MND1: variants seen among roughly 807,000 people sequenced by gnomAD.
MND1 encodes the protein meiotic nuclear divisions 1, also known as meiotic nuclear division protein 1 homolog.
MND1 carries 28 observed loss-of-function variants against 35.1 expected under a neutral mutation model. That is an observed-to-expected ratio of 0.80 (90% confidence interval 0.59 to 1.09). The LOEUF (loss-of-function observed/expected upper bound fraction) is 1.09. Ranked by LOEUF, MND1 falls within the 50% of genes least tolerant of loss-of-function variation. The pLI is 0.00. For synonymous variants in MND1, 69 were observed against 70.5 expected (o/e 0.98, Z 0.11); for missense variants, 213 against 239.6 (o/e 0.89, Z 0.73).
intron 4 of MND1, among the ~76,000 whole-genome samples, chr4:153,391,727 T>TACACACACAC (rs71598272): frequency 0.11 from 15,995 of 142,262 alleles, 1,067 homozygotes; most frequent in African/African-American, 0.16. Flanking sequence ...AACTCCATCA[T>TACACACACAC]ACACACACAC....
chr4:153,407,633 A>T (rs1729556762), intron 6 of MND1, among the ~76,000 whole-genome samples: 2 of 152,226 alleles, frequency 1.3e-5, no homozygotes, highest in Non-Finnish European at 2.9e-5. Flanking sequence ...TCGTATTAGC[A>T]GAAACAGCCC....
intron 2 of MND1, among the ~76,000 whole-genome samples, chr4:153,353,404 CATATATATATATATATATATAT>C (rs58280101): frequency 0.052 from 4,243 of 82,012 alleles, 323 homozygotes; most frequent in African/African-American, 0.17. Context: ...GACTTTATCA[CATATATATATATATATATATAT>C]ATATATATAT....
intron 2 of MND1, among the ~76,000 whole-genome samples, chr4:153,353,603 C>T (rs1561054886): frequency 1.3e-5 from 2 of 150,908 alleles, no homozygotes; most frequent in African/African-American, 4.9e-5. Context: ...CTTTATAGTG[C>T]CCTTGGATGA....
chr4:153,403,055 G>A (rs189658349), intron 6 of MND1, among the ~76,000 whole-genome samples: 6 of 152,218 alleles, frequency 3.9e-5, no homozygotes, highest in Admixed American at 2.0e-4. Context: ...AGGATCACTT[G>A]AGCCGAGGAG....
chr4:153,371,697 TTCTC>T (rs1773791988), intron 4 of MND1, among the ~76,000 whole-genome samples: 1 of 152,012 alleles, frequency 6.6e-6, no homozygotes, highest in Admixed American at 6.5e-5. Flanking sequence ...CACTAAAACT[TTCTC>T]TATCTCAGCA....
intron 4 of MND1, among the ~76,000 whole-genome samples, chr4:153,370,916 T>A (rs1029617481): frequency 5.3e-5 from 8 of 152,098 alleles, no homozygotes; most frequent in African/African-American, 1.9e-4. Context: ...GTGGCAGTTA[T>A]AGCCTTACTG....
At chr4:153,385,715 CAAAAAAAAA>C (rs60037291) in intron 4 of MND1, among the ~76,000 whole-genome samples, 1 of 83,694 alleles carries the variant, frequency 1.2e-5, no homozygotes, top group Non-Finnish European at 2.5e-5. Context: ...GACCCTGTCT[CAAAAAAAAA>C]AAAAAAAAAA....
rs1729230356 is a variant in MND1, at chr4:153,397,483, G to A, written c.466+150G>A. The A allele has an allele frequency of 2.1e-5, 12 of 568,100 alleles. No individual in the cohort carries two copies. The South Asian group carries it at 3.6e-4, about 17-fold the overall frequency. 35.2% of individuals were successfully genotyped at this position (568,100 alleles called of 1,614,324 possible). ...TTTGTAGTACTCTAATTTTGTATTTGTAACATAGTAGGAAAATATTGCTTT... is the reference window on the plus strand; with the variant it reads ...TTTGTAGTACTCTAATTTTGTATTTATAACATAGTAGGAAAATATTGCTTT... On this transcript the variant is annotated intron_variant, in intron 6 of 7. Coordinates refer to ENST00000240488, the MANE Select transcript of MND1 (RefSeq NM_032117.4).
chr4:153,401,247 A>G (rs1729340612), intron 6 of MND1, among the ~76,000 whole-genome samples: 1 of 151,974 alleles, frequency 6.6e-6, no homozygotes, highest in Admixed American at 6.5e-5. Context: ...CCATATAAAT[A>G]AAATAAAAAT....
chr4:153,406,887 C>T (rs1330904055), intron 6 of MND1, among the ~76,000 whole-genome samples: 1 of 152,214 alleles, frequency 6.6e-6, no homozygotes, highest in Non-Finnish European at 1.5e-5. Context: ...TTGGGGAAAC[C>T]TCACAATCAT....
At chr4:153,403,319 G>A (rs1729394237) in intron 6 of MND1, among the ~76,000 whole-genome samples, 1 of 152,192 alleles carries the variant, frequency 6.6e-6, no homozygotes. Context: ...CTAAGTCAGA[G>A]TTATAAACTG....
intron 4 of MND1, among the ~76,000 whole-genome samples, chr4:153,389,701 T>G (rs1728967548): frequency 6.6e-6 from 1 of 152,210 alleles, no homozygotes; most frequent in South Asian, 2.1e-4. Flanking sequence ...TCTCTATTTT[T>G]GTAAATGTGG....
intron 4 of MND1, among the ~76,000 whole-genome samples, chr4:153,379,483 G>A (rs1286003439): frequency 6.6e-6 from 1 of 151,912 alleles, no homozygotes; most frequent in Non-Finnish European, 1.5e-5. Context: ...GATGAGGATG[G>A]CTTAAGTCCA....
At chr4:153,412,368 A>T (rs952260906) in intron 7 of MND1, among the ~76,000 whole-genome samples, 1 of 152,172 alleles carries the variant, frequency 6.6e-6, no homozygotes, top group Non-Finnish European at 1.5e-5. Context: ...TTTTCTCACC[A>T]TCCTGGAGGA....
chr4:153,397,986 T>A (rs925688059), intron 6 of MND1, among the ~76,000 whole-genome samples: 1 of 152,236 alleles, frequency 6.6e-6, no homozygotes, highest in African/African-American at 2.4e-5. Context: ...TCAAGAACTT[T>A]GATTCTGTAA....
At chr4:153,353,259 A>C (rs1158105613) in intron 2 of MND1, among the ~76,000 whole-genome samples, 1 of 151,632 alleles carries the variant, frequency 6.6e-6, no homozygotes, top group Non-Finnish European at 1.5e-5. Context: ...AAATTTGCGA[A>C]CTCTTAGGTG....
intron 5 of MND1, 68 bp from the exon 6 acceptor site, chr4:153,397,151 A>G: frequency 9.7e-7 from 1 of 1,026,668 alleles, no homozygotes; most frequent in South Asian, 1.7e-5. Flanking sequence ...ATTGTTATAA[A>G]ATGTATTACC....
In MND1 at chr4:153,353,867, C is replaced by A. The variant is rs1459171019; in HGVS notation, c.70-1787C>A. Among the ~76,000 whole-genome samples, 3 of 151,978 alleles carry A rather than the reference C, an allele frequency of 2.0e-5. No homozygotes were observed. The East Asian group carries it at 5.8e-4, about 29-fold the overall frequency. ...CTCGAGTAGCTGGGATTACTGGTGC[C>A]CACCATAACGTCCAGCTAATTTTTG... On this transcript the variant is annotated intron_variant, in intron 2 of 7. Transcript: ENST00000240488.
At chr4:153,351,628 A>T (rs1265872169) in intron 2 of MND1, among the ~76,000 whole-genome samples, 1 of 152,252 alleles carries the variant, frequency 6.6e-6, no homozygotes, top group Non-Finnish European at 1.5e-5. Context: ...ATCGCCAATA[A>T]TGGTGCAAAG....
Sources: gnomAD v4.1 joint callset for allele counts (sites outside exome capture counted in the v4.1 genomes callset) on GRCh38, gnomAD v4.1.1 for gene constraint, MANE v1.5 for transcripts, NCBI Gene and HGNC (gene_info 2026-07-23, HGNC 2026-07-21) for gene names.